The following HTR1F variants were observed in gnomAD, a reference collection of about 807,000 sequenced individuals.
HTR1F encodes 5-hydroxytryptamine receptor 1F.
HTR1F carries 17 observed loss-of-function variants against 24.0 expected under a neutral mutation model. The observed-to-expected ratio is 0.71, with a 90% CI of 0.48 to 1.06. HTR1F has a LOEUF of 1.06. HTR1F is among the 50% of genes least tolerant of loss of function. The pLI is 0.00. For missense variants in HTR1F, 391 were observed against 427.8 expected (o/e 0.91, Z 0.76); for synonymous variants, 186 against 156.8 (o/e 1.19, Z -1.39).
chr3:87,940,248 T>C (rs1704536197), intron 2 of HTR1F, among the ~76,000 whole-genome samples: 2 of 152,336 alleles, frequency 1.3e-5, no homozygotes, highest in South Asian at 4.1e-4. Flanking sequence ...ATGATTTCCA[T>C]TCTTTTGCCA....
At chr3:87,816,160 C>T (rs1423280283) in intron 1 of HTR1F, among the ~76,000 whole-genome samples, 1 of 152,034 alleles carries the variant, frequency 6.6e-6, no homozygotes, top group Non-Finnish European at 1.5e-5. Context: ...TCGGAGTGTT[C>T]TTACTGAAAT....
intron 1 of HTR1F, among the ~76,000 whole-genome samples, chr3:87,808,702 A>T (rs1356472762): frequency 4.0e-5 from 6 of 151,644 alleles, no homozygotes; most frequent in African/African-American, 1.5e-4. Flanking sequence ...GTGCATTTTT[A>T]AATTGTCTAT....
chr3:87,842,336 G>C (rs1704827102), intron 2 of HTR1F, among the ~76,000 whole-genome samples: 1 of 151,432 alleles, frequency 6.6e-6, no homozygotes, highest in South Asian at 2.1e-4. Context: ...AATTTTTTTT[G>C]TATTTTTAGT....
intron 2 of HTR1F, among the ~76,000 whole-genome samples, chr3:87,976,774 A>T (rs1576111711): frequency 6.6e-6 from 1 of 152,320 alleles, no homozygotes; most frequent in East Asian, 1.9e-4. Context: ...CATATCTTGC[A>T]CGTAGTTAAA....
chr3:87,864,902 A>AAAAAGAAAAGAAAAG (rs370477093), intron 2 of HTR1F, among the ~76,000 whole-genome samples: 9 of 144,438 alleles, frequency 6.2e-5, no homozygotes, highest in African/African-American at 1.9e-4. Context: ...AAAAAAAAAA[A>AAAAAGAAAAGAAAAG]AAAAGAAAAG....
chr3:87,916,737 T>C (rs1703903803), intron 2 of HTR1F, among the ~76,000 whole-genome samples: 1 of 152,048 alleles, frequency 6.6e-6, no homozygotes. Context: ...CAATTACTAA[T>C]AGACCTAAGC....
intron 2 of HTR1F, among the ~76,000 whole-genome samples, chr3:87,844,879 T>C (rs1396708906): frequency 6.6e-6 from 1 of 151,618 alleles, no homozygotes; most frequent in Non-Finnish European, 1.5e-5. Flanking sequence ...TTCTGTTCCA[T>C]TGATCTATAT....
intron 2 of HTR1F, among the ~76,000 whole-genome samples, chr3:87,990,464 T>C (rs957237764): frequency 6.6e-6 from 1 of 152,216 alleles, no homozygotes. Context: ...AGAGTATTCA[T>C]TAAAAATTGT....
chr3:87,827,364 A>T (rs1037745085), intron 2 of HTR1F, among the ~76,000 whole-genome samples: 4 of 151,178 alleles, frequency 2.6e-5, no homozygotes, highest in Non-Finnish European at 4.4e-5. Context: ...TATCAACTTA[A>T]TTTTTTTTCC....
At chr3:87,905,562 G>A (rs1237680137) in intron 2 of HTR1F, among the ~76,000 whole-genome samples, 1 of 152,014 alleles carries the variant, frequency 6.6e-6, no homozygotes, top group Non-Finnish European at 1.5e-5. Flanking sequence ...ATTGCAGAAC[G>A]TTGGGATGCT....
At chr3:87,905,201 T>A (rs1238813870) in intron 2 of HTR1F, among the ~76,000 whole-genome samples, 1 of 151,884 alleles carries the variant, frequency 6.6e-6, no homozygotes, top group African/African-American at 2.4e-5. Context: ...TCCCAGCTAC[T>A]CAGGAAGCTG....
At chr3:87,852,165 A>G (rs1705101361) in intron 2 of HTR1F, among the ~76,000 whole-genome samples, 1 of 151,600 alleles carries the variant, frequency 6.6e-6, no homozygotes, top group African/African-American at 2.4e-5. Flanking sequence ...AACTTTCTCT[A>G]GAATAAAATG....
intron 2 of HTR1F, among the ~76,000 whole-genome samples, chr3:87,964,490 C>A (rs1285752128): frequency 6.6e-6 from 1 of 152,154 alleles, no homozygotes; most frequent in Non-Finnish European, 1.5e-5. Context: ...ACTCCACTCT[C>A]CAGATGACAT....
chr3:87,950,463 C>T (rs1341996796), intron 2 of HTR1F, among the ~76,000 whole-genome samples: 2 of 151,592 alleles, frequency 1.3e-5, no homozygotes, highest in Non-Finnish European at 1.5e-5. Flanking sequence ...CATACATAAC[C>T]ACGTCTTGAC....
chr3:87,905,942 G>T, intron 2 of HTR1F, among the ~76,000 whole-genome samples: 1 of 152,020 alleles, frequency 6.6e-6, no homozygotes, highest in East Asian at 1.9e-4. Flanking sequence ...GAAAAATGAA[G>T]GCAACTGGGA....
chr3:87,935,294 C>G (rs1262743977), intron 2 of HTR1F, among the ~76,000 whole-genome samples: 1 of 152,184 alleles, frequency 6.6e-6, no homozygotes, highest in African/African-American at 2.4e-5. Flanking sequence ...TTCCTCCATA[C>G]TCCCATCATT....
chr3:87,896,372 T>C (rs1706199544), intron 2 of HTR1F, among the ~76,000 whole-genome samples: 1 of 152,236 alleles, frequency 6.6e-6, no homozygotes, highest in Non-Finnish European at 1.5e-5. Flanking sequence ...TGCCAGGCAC[T>C]GTGCCTGACA....
intron 2 of HTR1F, among the ~76,000 whole-genome samples, chr3:87,954,651 A>G (rs1435704353): frequency 6.6e-6 from 1 of 151,708 alleles, no homozygotes; most frequent in African/African-American, 2.4e-5. Context: ...GTTAATGAAA[A>G]CAAAGAGAAA....
chr3:87,857,087 G>T (rs1325890634), intron 2 of HTR1F, among the ~76,000 whole-genome samples: 15 of 151,918 alleles, frequency 9.9e-5, no homozygotes, highest in Admixed American at 9.8e-4. Context: ...GTGAAACCAA[G>T]AAATTATTTT....
Sources: allele counts gnomAD v4.1 joint callset (sites outside exome capture counted in the v4.1 genomes callset), GRCh38; gene constraint gnomAD v4.1.1; transcripts MANE v1.5; gene names NCBI Gene and HGNC (gene_info 2026-07-23, HGNC 2026-07-21).